The following PKP4 variants were observed in gnomAD, a reference collection of about 807,000 sequenced individuals.
PKP4 encodes plakophilin-4.
Under a neutral mutation model 145.1 loss-of-function variants are expected in PKP4, and 90 were observed. The observed-to-expected ratio is 0.62, with a 90% CI of 0.52 to 0.74. PKP4 has a LOEUF of 0.74. PKP4 is among the 30% of genes least tolerant of loss of function. The probability of loss-of-function intolerance (pLI) is 0.00; values close to 1 mark genes in which losing one functional copy is unlikely to be tolerated. For missense variants in PKP4, 1,340 were observed against 1,482.7 expected, an observed-to-expected ratio of 0.90 and a Z score of 1.58; for synonymous variants, 563 against 577.2, an observed-to-expected ratio of 0.98 and a Z score of 0.35.
chr2:158,672,378 A>G (rs1381043567), intron 17 of PKP4, among the ~76,000 whole-genome samples: 1 of 152,192 alleles, frequency 6.6e-6, no homozygotes, highest in African/African-American at 2.4e-5. Context: ...GAAAATATGT[A>G]GTCTGTTTTT....
chr2:158,537,130 T>C (rs533275740), intron 2 of PKP4, among the ~76,000 whole-genome samples: 1 of 152,318 alleles, frequency 6.6e-6, no homozygotes, highest in African/African-American at 2.4e-5. Context: ...TGTAGCCACG[T>C]TCACAGAAAC....
At chr2:158,590,483 A>G (rs1373761096) in intron 3 of PKP4, among the ~76,000 whole-genome samples, 1 of 151,696 alleles carries the variant, frequency 6.6e-6, no homozygotes, top group East Asian at 1.9e-4. Context: ...TACTTCCCAG[A>G]TTTAGTTACA....
chr2:158,574,579 C>T (rs1048954820), intron 2 of PKP4, among the ~76,000 whole-genome samples: 8 of 152,120 alleles, frequency 5.3e-5, no homozygotes, highest in Non-Finnish European at 8.8e-5. Context: ...TTCACATGTG[C>T]GTGTGTTCAA....
At chr2:158,650,928 C>T (rs552199096) in intron 11 of PKP4, among the ~76,000 whole-genome samples, 1 of 152,298 alleles carries the variant, frequency 6.6e-6, no homozygotes, top group African/African-American at 2.4e-5. Context: ...CCTCAAGCCA[C>T]ACCTATAGAC....
chr2:158,539,641 GT>G (rs889493624), intron 2 of PKP4, among the ~76,000 whole-genome samples: 4 of 152,146 alleles, frequency 2.6e-5, no homozygotes, highest in Non-Finnish European at 5.9e-5. Context: ...TTGTTACCGT[GT>G]AACCCACAGT....
At chr2:158,552,422 T>A (rs2045711227) in intron 2 of PKP4, among the ~76,000 whole-genome samples, 1 of 152,204 alleles carries the variant, frequency 6.6e-6, no homozygotes, top group Non-Finnish European at 1.5e-5. Flanking sequence ...AAGGGGAGTC[T>A]GCTGTAACAA....
intron 11 of PKP4, among the ~76,000 whole-genome samples, chr2:158,652,066 T>C (rs1167630994): frequency 6.6e-6 from 1 of 152,216 alleles, no homozygotes; most frequent in East Asian, 1.9e-4. Context: ...GAGCTGCATA[T>C]TTTCTACATT....
At chr2:158,610,354 C>G (rs971545632) in intron 4 of PKP4, among the ~76,000 whole-genome samples, 50 of 151,924 alleles carry the variant, frequency 3.3e-4, no homozygotes, top group African/African-American at 1.1e-3. Context: ...TTTGAGGTAA[C>G]TTGTAAGAAC....
intron 1 of PKP4, among the ~76,000 whole-genome samples, chr2:158,528,388 C>A (rs2043158345): frequency 9.5e-6 from 1 of 105,732 alleles, no homozygotes; most frequent in African/African-American, 3.4e-5. Context: ...ATCGCAAGAA[C>A]AAAAAACCAA....
intron 15 of PKP4, chr2:158,665,734 TAC>T (rs919552850): frequency 2.0e-5 from 3 of 152,200 alleles, no homozygotes; most frequent in Admixed American, 2.0e-4. Context: ...TGACTCACAG[TAC>T]AGAGTTGCTT....
chr2:158,568,745 A>G (rs2047193583), intron 2 of PKP4, among the ~76,000 whole-genome samples: 1 of 152,008 alleles, frequency 6.6e-6, no homozygotes. Context: ...AGGCTGAGGC[A>G]GGTGGATCAC....
chr2:158,497,015 T>A (rs1695843291), intron 1 of PKP4, among the ~76,000 whole-genome samples: 1 of 152,144 alleles, frequency 6.6e-6, no homozygotes, highest in Non-Finnish European at 1.5e-5. Flanking sequence ...TTTAGTGATA[T>A]GTTGATTTCC....
intron 1 of PKP4, among the ~76,000 whole-genome samples, chr2:158,528,689 G>T (rs1157971751): frequency 5.9e-5 from 4 of 68,148 alleles, no homozygotes; most frequent in East Asian, 4.2e-4. Context: ...AAAAAAAAGA[G>T]ACCTGGGCAA....
chr2:158,557,208 A>G (rs2046170513), intron 2 of PKP4, among the ~76,000 whole-genome samples: 1 of 152,224 alleles, frequency 6.6e-6, no homozygotes, highest in Admixed American at 6.5e-5. Context: ...ATGCATAGAA[A>G]GCCTTAGTAT....
chr2:158,658,868 A>G (rs1343282650), intron 12 of PKP4: 3 of 152,496 alleles, frequency 2.0e-5, no homozygotes, highest in African/African-American at 7.2e-5. Flanking sequence ...TTTTGACCCT[A>G]TTTCCCAGCC....
rs970182072 is a variant in PKP4 at position 158,506,862 on chromosome 2, A to C, written c.-5-26318A>C. ...ACATTTTGCCAAGAAGTTCCTATAGAGGCAATATCACTTTTAGGATGGATG... is the reference window on the plus strand; with the variant it reads ...ACATTTTGCCAAGAAGTTCCTATAGCGGCAATATCACTTTTAGGATGGATG... On this transcript the variant is annotated intron_variant, in intron 1 of 21. Coordinates refer to ENST00000389759, the MANE Select transcript of PKP4 (RefSeq NM_003628.6). Among the ~76,000 whole-genome samples the C allele has an allele frequency of 5.3e-5, 8 of 152,300 alleles. No homozygotes were observed. In the East Asian group the frequency reaches 1.4e-3, roughly 26 times the overall value.
intron 1 of PKP4, among the ~76,000 whole-genome samples, chr2:158,530,504 CTTTTTTTT>C (rs869120223): frequency 3.1e-4 from 29 of 92,140 alleles, no homozygotes; most frequent in Admixed American, 8.0e-4. Context: ...CTCTTTCTTT[CTTTTTTTT>C]TTTTTTTTTT....
At chr2:158,593,686 C>T (rs924244850) in intron 3 of PKP4, among the ~76,000 whole-genome samples, 31 of 152,152 alleles carry the variant, frequency 2.0e-4, no homozygotes, top group Non-Finnish European at 2.9e-5. Flanking sequence ...AAGCAACTTT[C>T]GCCTTCAGGA....
At position 158,467,866 on chromosome 2, in the gene PKP4, AAAG is replaced by A. The variant is rs1690893506; in HGVS notation, c.-6+10651_-6+10653del. Among the ~76,000 whole-genome samples, 4 of 152,158 alleles carry A rather than the reference AAAG, an allele frequency of 2.6e-5. No individual in the cohort carries two copies. The South Asian group carries it at 8.3e-4, about 31-fold the overall frequency. ...TATCTCCAAAAATAAAAAAATAAAAAAAGAATATTATATAAATAGATTTATAAA... is the reference window on the plus strand; with the variant it reads ...TATCTCCAAAAATAAAAAAATAAAAAAATATTATATAAATAGATTTATAAA... On this transcript the variant is annotated intron_variant, in intron 1 of 21. Coordinates refer to ENST00000389759, the MANE Select transcript of PKP4 (RefSeq NM_003628.6).
Sources: gnomAD v4.1 joint callset for allele counts (sites outside exome capture counted in the v4.1 genomes callset) on GRCh38, gnomAD v4.1.1 for gene constraint, MANE v1.5 for transcripts, NCBI Gene and HGNC (gene_info 2026-07-23, HGNC 2026-07-21) for gene names.